Variants in TOP3A observed in about 807,000 individuals in gnomAD.
The protein encoded by TOP3A is DNA topoisomerase III alpha.
Under a neutral mutation model 111.3 loss-of-function variants are expected in TOP3A, and 64 were observed. The ratio of observed to expected loss-of-function variants is 0.57; its 90% CI spans 0.47 to 0.71. The LOEUF is 0.71. Ranked by LOEUF, TOP3A falls within the 30% of genes least tolerant of loss-of-function variation. TOP3A has a pLI of 0.00. For synonymous variants in TOP3A, 484 were observed against 485.1 expected (o/e 1.00, Z 0.03); for missense variants, 1,104 against 1,285.0 (o/e 0.86, Z 2.15).
rs761294216 is a variant in TOP3A, at chr17:18,282,738, A to C, written c.1981T>G (p.Cys661Gly). Residue 661 changes from cysteine to glycine, a missense_variant, in exon 16 of 19, where the codon TGC (cysteine) becomes GGC (glycine). Coordinates refer to ENST00000321105, the MANE Select transcript of TOP3A (RefSeq NM_004618.5). ...MPEPIRKCPQCNKDMVLKTKK... is the reference protein window; with the variant it reads ...MPEPIRKCPQGNKDMVLKTKK... Reference sequence around the variant, plus strand: ...GTCTTAAGGACCATGTCCTTGTTGCACTGTGGGCACTTCCTGATGGGCTCT... The same window carrying C: ...GTCTTAAGGACCATGTCCTTGTTGCCCTGTGGGCACTTCCTGATGGGCTCT... 6.2e-7 allele frequency: 1 copy of C among 1,614,046 alleles called. No individual in the cohort carries two copies. Among genetic ancestry groups the C allele is most frequent in the Non-Finnish European group, 8.5e-7 (1 of 1,179,998 alleles).
chr17:18,305,968 G>C (rs1348285846), intron 4 of TOP3A, among the ~76,000 whole-genome samples: 1 of 150,624 alleles, frequency 6.6e-6, no homozygotes, highest in African/African-American at 2.4e-5. Context: ...TTAGGAGGCT[G>C]AGGCGGGTGG....
At chr17:18,291,945 C>T (rs1597969167) in intron 11 of TOP3A, among the ~76,000 whole-genome samples, 1 of 152,244 alleles carries the variant, frequency 6.6e-6, no homozygotes, top group Middle Eastern at 3.4e-3. Flanking sequence ...ATTTCCTGAC[C>T]TCGTGATCTA....
intron 17 of TOP3A, among the ~76,000 whole-genome samples, chr17:18,279,547 C>T (rs1266649589): frequency 5.1e-5 from 4 of 79,104 alleles, no homozygotes; most frequent in Non-Finnish European, 1.1e-4. Flanking sequence ...TGAGCCACCA[C>T]GCCTGGCCAT....
intron 16 of TOP3A, 99 bp from the exon 17 acceptor site, chr17:18,280,757 A>T (rs1368746711): frequency 6.5e-6 from 9 of 1,380,704 alleles, no homozygotes; most frequent in Non-Finnish European, 9.0e-6. Context: ...CCCGAGGACA[A>T]CATTCCCTTT....
intron 13 of TOP3A, among the ~76,000 whole-genome samples, chr17:18,286,974 G>C (rs927200567): frequency 1.1e-4 from 16 of 152,142 alleles, no homozygotes; most frequent in Middle Eastern, 3.2e-3. Context: ...AGTAGAGAAA[G>C]TGTTTCACCA....
intron 16 of TOP3A, 26 bp downstream of exon 16, chr17:18,282,672 G>T (rs764690376): frequency 3.1e-5 from 50 of 1,612,260 alleles, no homozygotes; most frequent in Non-Finnish European, 4.2e-5. Context: ...GGGAGCAGAG[G>T]TGGGGGCAGA....
chr17:18,293,188 A>G (rs1298617710), intron 10 of TOP3A, among the ~76,000 whole-genome samples: 1 of 152,230 alleles, frequency 6.6e-6, no homozygotes, highest in African/African-American at 2.4e-5. Context: ...CATGAGACTC[A>G]CTGACCCTGA....
chr17:18,277,609 C>T (rs1597953052), intron 18 of TOP3A, 66 bp downstream of exon 18: 5 of 1,534,726 alleles, frequency 3.3e-6, no homozygotes, highest in East Asian at 4.5e-5. Flanking sequence ...TTTCTGCTGT[C>T]CCCAGTCTCT....
chr17:18,301,833 G>T, intron 8 of TOP3A, 52 bp downstream of exon 8: 1 of 1,432,146 alleles, frequency 7.0e-7, no homozygotes, highest in Non-Finnish European at 9.8e-7. Context: ...CCGACAGTGG[G>T]AGTGGTTTGG....
chr17:18,284,398 C>T (rs1166394033), intron 15 of TOP3A, among the ~76,000 whole-genome samples: 1 of 152,146 alleles, frequency 6.6e-6, no homozygotes, highest in East Asian at 1.9e-4. Flanking sequence ...CCTCCAGCCC[C>T]TCTGCTCTTC....
At chr17:18,296,004 G>C (rs1025711666) in intron 9 of TOP3A, among the ~76,000 whole-genome samples, 1 of 151,424 alleles carries the variant, frequency 6.6e-6, no homozygotes, top group African/African-American at 2.4e-5. Flanking sequence ...CCTACCTCGT[G>C]ATCTGCCCGC....
chr17:18,311,509 G>A (rs1315495444), intron 1 of TOP3A, among the ~76,000 whole-genome samples: 4 of 152,088 alleles, frequency 2.6e-5, no homozygotes, highest in African/African-American at 9.7e-5. Context: ...GGCCAGGCTG[G>A]TCTTGAACTC....
Position 18,291,033 on chromosome 17 carries a change from A to T in TOP3A, c.1282-6T>A, listed in dbSNP as rs1270854599. 6.2e-7 allele frequency: 1 copy of T among 1,613,582 alleles called. No homozygotes were observed. The highest frequency in any genetic ancestry group is 1.3e-5 in the African/African-American group (1 of 74,908). ...TACAGTCGCTGTTCATCTCCCTAGGAAGAAAAGAGGAGTACGAAACTCCCC... is the reference window on the plus strand; with the variant it reads ...TACAGTCGCTGTTCATCTCCCTAGGTAGAAAAGAGGAGTACGAAACTCCCC... On this transcript the variant is annotated splice_region_variant and splice_polypyrimidine_tract_variant and intron_variant, in intron 11 of 18. Coordinates refer to ENST00000321105, the MANE Select transcript of TOP3A (RefSeq NM_004618.5).
rs1203241531 is a variant in TOP3A, at chr17:18,292,813, G to A, written c.1113C>T (p.Pro371=). 1 of 1,613,574 alleles carries A rather than the reference G, an allele frequency of 6.2e-7. No individual in the cohort carries two copies. The highest frequency in any genetic ancestry group is 2.2e-5 in the East Asian group (1 of 44,882). ...CCAACACCGTCAGGTTTAAGTCTCTGGGAAAAATGTTTGTTTCTGTTCGGG... is the reference window on the plus strand; with the variant it reads ...CCAACACCGTCAGGTTTAAGTCTCTAGGAAAAATGTTTGTTTCTGTTCGGG... ...SYPRTETNIF[P]RDLNLTVLVE... is the part of the protein sequence containing the mutation. Residue 371 remains proline (P), a synonymous_variant, in exon 11 of 19, where the codon CCC becomes CCT. Transcript: ENST00000321105.
intron 11 of TOP3A, among the ~76,000 whole-genome samples, chr17:18,292,241 G>A (rs1980522864): frequency 1.3e-5 from 2 of 152,236 alleles, no homozygotes; most frequent in South Asian, 2.1e-4. Flanking sequence ...GGAAACTGCA[G>A]TGACAGGGGG....
At chr17:18,282,594 T>G in intron 16 of TOP3A, 104 bp downstream of exon 16, 1 of 1,525,360 alleles carries the variant, frequency 6.6e-7, no homozygotes, top group Non-Finnish European at 8.9e-7. Flanking sequence ...ACAACAGGCC[T>G]GTCTTGAAAG....
At chr17:18,308,812 T>G in intron 2 of TOP3A, 70 bp downstream of exon 2, 1 of 1,005,168 alleles carries the variant, frequency 9.9e-7, no homozygotes, top group South Asian at 1.7e-5. Context: ...CGACATATTC[T>G]ACATATGACG....
chr17:18,297,136 A>C (rs2142975420), intron 9 of TOP3A, among the ~76,000 whole-genome samples: 1 of 152,062 alleles, frequency 6.6e-6, no homozygotes, highest in Non-Finnish European at 1.5e-5. Context: ...CAAAAACAAC[A>C]AAAAAAAGGC....
At chr17:18,312,787 A>T in intron 1 of TOP3A, 1 of 203,726 alleles carries the variant, frequency 4.9e-6, no homozygotes, top group Non-Finnish European at 1.1e-5. Context: ...AAAGAGGACG[A>T]GGCATCTGAT....
Sources: allele counts gnomAD v4.1 joint callset (sites outside exome capture counted in the v4.1 genomes callset), GRCh38; gene constraint gnomAD v4.1.1; transcripts MANE v1.5; gene names NCBI Gene and HGNC (gene_info 2026-07-23, HGNC 2026-07-21).